Variants in MS4A4E observed in about 807,000 individuals in gnomAD.
MS4A4E encodes membrane spanning 4-domains A4E, also known as putative membrane-spanning 4-domains subfamily A member 4E.
In MS4A4E, 23 loss-of-function variants were observed where a neutral mutation model predicts 13.3. The observed-to-expected ratio is 1.73, with a 90% CI of 1.25 to 2.45. The LOEUF (loss-of-function observed/expected upper bound fraction) is 2.45. Ranked by LOEUF, MS4A4E falls within the 30% of genes most tolerant of loss-of-function variation. The probability of loss-of-function intolerance (pLI) is 0.00; values close to 1 mark genes in which losing one functional copy is unlikely to be tolerated. For missense variants in MS4A4E, 144 were observed against 131.2 expected (o/e 1.10, Z -0.48); for synonymous variants, 36 against 45.6 (o/e 0.79, Z 0.85).
At chr11:60,210,451 T>G (rs1385361678) in intron 5 of MS4A4E, among the ~76,000 whole-genome samples, 2 of 151,918 alleles carry the variant, frequency 1.3e-5, no homozygotes, top group Non-Finnish European at 1.5e-5. Flanking sequence ...CTTATTAAAA[T>G]TACATATATA....
In MS4A4E at chr11:60,208,613, G is replaced by C; in HGVS notation, c.463C>G (p.Leu155Val). Reference sequence around the variant, plus strand: ...CTGACCTCACTGGGGCTACAACAAAGCACTTTACATCCAAAGGCAGAGAGG... The same window carrying C: ...CTGACCTCACTGGGGCTACAACAAACCACTTTACATCCAAAGGCAGAGAGG... ...VALSAFGCKVLCCSPSESKNK... is the reference protein window; with the variant it reads ...VALSAFGCKVVCCSPSESKNK... The change falls in exon 6 of 9, where the codon CTT (leucine) becomes GTT (valine). Residue 155 changes from leucine (L) to valine (V), a missense_variant. Leu to Val is a conservative substitution (Grantham distance 32, BLOSUM62 1). Coordinates refer to ENST00000651255, the MANE Select transcript of MS4A4E (RefSeq NM_001393391.1). The C allele has an allele frequency of 2.8e-6, 4 of 1,414,236 alleles. No individual in the cohort carries two copies. The highest frequency in any genetic ancestry group is 4.0e-6 in the Non-Finnish European group (4 of 1,008,720). The allele number at this position is 1,414,236 out of a possible 1,614,324, so 87.6% of individuals were successfully genotyped here. A position where few individuals can be genotyped will look rare whatever the true frequency, so the allele number is the denominator to read the frequency against.
chr11:60,205,999 A>G (rs893547754), intron 6 of MS4A4E, among the ~76,000 whole-genome samples, 179 bp from the exon 7 acceptor site: 1 of 152,166 alleles, frequency 6.6e-6, no homozygotes, highest in African/African-American at 2.4e-5. Context: ...CCTTCATATG[A>G]TTTTTACTCC....
intron 3 of MS4A4E, among the ~76,000 whole-genome samples, chr11:60,223,444 A>C (rs1291792775): frequency 6.6e-6 from 1 of 152,170 alleles, no homozygotes; most frequent in African/African-American, 2.4e-5. Context: ...TTTATTTGAA[A>C]ATCATGTATG....
intron 4 of MS4A4E, among the ~76,000 whole-genome samples, chr11:60,213,561 A>G (rs1482611962): frequency 6.6e-6 from 1 of 152,144 alleles, no homozygotes; most frequent in Non-Finnish European, 1.5e-5. Flanking sequence ...TGGGTAAGGT[A>G]AGGAGGCTTT....
chr11:60,218,327 G>A (rs139338420), intron 3 of MS4A4E, among the ~76,000 whole-genome samples: 11 of 152,186 alleles, frequency 7.2e-5, no homozygotes, highest in East Asian at 5.8e-4. Context: ...CTGTGATCTC[G>A]CCCTGCCTCC....
chr11:60,224,881 A>G lies in MS4A4E; in HGVS notation c.178+3713T>C, dbSNP rs986754448. The G allele has an allele frequency of 1.3e-5, 15 of 1,171,746 alleles. No individual in the cohort carries two copies. The South Asian group carries it at 3.9e-4, about 30-fold the overall frequency. The allele number at this position is 1,171,746 out of a possible 1,614,324, so 72.6% of individuals were successfully genotyped here. A position where few individuals can be genotyped will look rare whatever the true frequency, so the allele number is the denominator to read the frequency against. ...TCTCAAATTTACAGAATTACAAGAT[A>G]GAATTAGAATAAAATTGCAAAGATC... On this transcript the variant is annotated intron_variant, in intron 3 of 8. Transcript: ENST00000651255.
At chr11:60,216,740 G>A (rs1248589538) in intron 3 of MS4A4E, among the ~76,000 whole-genome samples, 1 of 152,056 alleles carries the variant, frequency 6.6e-6, no homozygotes, top group Non-Finnish European at 1.5e-5. Context: ...TATTGTTCCT[G>A]GGTGTGTCTG....
intron 3 of MS4A4E, among the ~76,000 whole-genome samples, chr11:60,227,144 G>A (rs866667600): frequency 1.8e-4 from 27 of 151,820 alleles, no homozygotes; most frequent in East Asian, 7.7e-4. Context: ...AAAATAAGTC[G>A]AATAACTAAA....
chr11:60,214,654 TA>T, intron 3 of MS4A4E, 40 bp from the exon 4 acceptor site: 1 of 1,350,378 alleles, frequency 7.4e-7, no homozygotes, highest in Non-Finnish European at 1.0e-6. Context: ...AAAATGGAGA[TA>T]AAAAGTTTTA....
Position 60,200,667 on chromosome 11 carries a change from T to G in MS4A4E, c.*876A>C, listed in dbSNP as rs1179899732. On this transcript the variant is annotated 3_prime_UTR_variant, in exon 9 of 9. Coordinates refer to ENST00000651255, the MANE Select transcript of MS4A4E (RefSeq NM_001393391.1). ...GAATTTTTCTTAGTACAGAACAAAATGAAAAGTCTCCCATGTCTACTTCTT... is the reference window on the plus strand; with the variant it reads ...GAATTTTTCTTAGTACAGAACAAAAGGAAAAGTCTCCCATGTCTACTTCTT... Among the ~76,000 whole-genome samples the G allele has an allele frequency of 6.6e-6, 1 of 152,202 alleles. No individual in the cohort carries two copies.
rs928491573 is a variant in MS4A4E at position 60,241,165 on chromosome 11, C to T, written c.-17+1793G>A. 9.2e-5 allele frequency among the ~76,000 whole-genome samples: 14 copies of T among 152,158 alleles called. 1 individual carries two copies. Among genetic ancestry groups the T allele is most frequent in the Middle Eastern group, 6.8e-3 (2 of 294 alleles). On this transcript the variant is annotated intron_variant, in intron 1 of 8. Coordinates refer to ENST00000651255, the MANE Select transcript of MS4A4E (RefSeq NM_001393391.1). ...CAGCCTCCAGAGTAGCTGGGGCTAC[C>T]GGCGCCTGCCACCACGCCTGGCTAA...
intron 3 of MS4A4E, among the ~76,000 whole-genome samples, chr11:60,215,576 A>G (rs895477275): frequency 6.6e-6 from 1 of 151,968 alleles, no homozygotes; most frequent in African/African-American, 2.4e-5. Context: ...GTAACAAGAT[A>G]GGACATCTGT....
intron 1 of MS4A4E, among the ~76,000 whole-genome samples, chr11:60,233,501 G>A (rs2084439642): frequency 6.6e-6 from 1 of 152,200 alleles, no homozygotes; most frequent in East Asian, 1.9e-4. Flanking sequence ...CCACAACTGG[G>A]TGAGTGAACC....
chr11:60,240,648 A>T (rs1590733840), intron 1 of MS4A4E, among the ~76,000 whole-genome samples: 1 of 152,154 alleles, frequency 6.6e-6, no homozygotes, highest in African/African-American at 2.4e-5. Flanking sequence ...AGTATATTGG[A>T]CTTATTTAAG....
intron 1 of MS4A4E, among the ~76,000 whole-genome samples, chr11:60,238,967 A>G (rs2084516325): frequency 6.6e-6 from 1 of 152,262 alleles, no homozygotes; most frequent in East Asian, 1.9e-4. Flanking sequence ...AAAGAGAAAT[A>G]AAAACATATG....
Position 60,200,672 on chromosome 11 carries a change from A to T in MS4A4E, c.*871T>A, listed in dbSNP as rs1462519046. On this transcript the variant is annotated 3_prime_UTR_variant, in exon 9 of 9. Coordinates refer to ENST00000651255, the MANE Select transcript of MS4A4E (RefSeq NM_001393391.1). ...TTTCTTAGTACAGAACAAAATGAAA[A>T]GTCTCCCATGTCTACTTCTTTCCAC... Among the ~76,000 whole-genome samples, 1 of 152,220 alleles carries T rather than the reference A, an allele frequency of 6.6e-6. No homozygotes were observed. The highest frequency in any genetic ancestry group is 1.5e-5 in the Non-Finnish European group (1 of 68,044).
At chr11:60,225,077 A>G in intron 3 of MS4A4E, 1 of 1,556,992 alleles carries the variant, frequency 6.4e-7, no homozygotes, top group Non-Finnish European at 8.7e-7. Flanking sequence ...CATCAAGGCA[A>G]TCAGAATCCG....
At chr11:60,202,321 G>C (rs1304819211) in intron 8 of MS4A4E, among the ~76,000 whole-genome samples, 1 of 152,162 alleles carries the variant, frequency 6.6e-6, no homozygotes, top group Non-Finnish European at 1.5e-5. Context: ...CCTATCCTTT[G>C]GTGCTATGAA....
rs1387104453 is a variant in MS4A4E, at chr11:60,200,982, C to T, written c.*561G>A. 3.4e-5 allele frequency among the ~76,000 whole-genome samples: 5 copies of T among 147,492 alleles called. No individual in the cohort carries two copies. On this transcript the variant is annotated 3_prime_UTR_variant, in exon 9 of 9. Coordinates refer to ENST00000651255, the MANE Select transcript of MS4A4E (RefSeq NM_001393391.1). ...CCGGGTGGGGGGCTGAACCCCCCAC[C>T]TCCCTCCCGGACGGGGCGGCTGGCC... is the stretch of plus-strand genomic sequence containing the variant.
Sources: gnomAD v4.1 joint callset for allele counts (sites outside exome capture counted in the v4.1 genomes callset) on GRCh38, gnomAD v4.1.1 for gene constraint, MANE v1.5 for transcripts, NCBI Gene and HGNC (gene_info 2026-07-23, HGNC 2026-07-21) for gene names.